The following GPC5 variants were observed in gnomAD, a reference collection of about 807,000 sequenced individuals.
The protein encoded by GPC5 is glypican 5.
In GPC5, 47 loss-of-function variants were observed where a neutral mutation model predicts 53.9. That is an observed-to-expected ratio of 0.87 (90% CI 0.69 to 1.11). The LOEUF (loss-of-function observed/expected upper bound fraction) is 1.11, where lower values mean the gene tolerates loss of function less well. Ranked by LOEUF, GPC5 falls within the 50% of genes most tolerant of loss-of-function variation. The probability of loss-of-function intolerance (pLI) is 0.00; values close to 1 mark genes in which losing one functional copy is unlikely to be tolerated. For synonymous variants in GPC5, 286 were observed against 263.3 expected (o/e 1.09, Z -0.84); for missense variants, 748 against 713.1 (o/e 1.05, Z -0.56).
chr13:92,757,615 G>A (rs969938934), intron 7 of GPC5, among the ~76,000 whole-genome samples: 1 of 151,984 alleles, frequency 6.6e-6, no homozygotes, highest in Non-Finnish European at 1.5e-5. Context: ...AATCTACAAT[G>A]AACTTAAACA....
chr13:92,137,044 C>G (rs2041789797), intron 6 of GPC5, among the ~76,000 whole-genome samples: 1 of 151,776 alleles, frequency 6.6e-6, no homozygotes, highest in Non-Finnish European at 1.5e-5. Flanking sequence ...GGAAAGGAAG[C>G]ACGTTCCGAA....
chr13:92,642,942 C>T (rs1185600331), intron 7 of GPC5, among the ~76,000 whole-genome samples: 1 of 152,156 alleles, frequency 6.6e-6, no homozygotes, highest in East Asian at 1.9e-4. Flanking sequence ...AGTGCTACAA[C>T]GGTCAGTTAT....
chr13:92,288,356 G>A (rs1048790379), intron 7 of GPC5, among the ~76,000 whole-genome samples: 3 of 152,142 alleles, frequency 2.0e-5, no homozygotes, highest in African/African-American at 7.2e-5. Context: ...TTTGGATTTT[G>A]TAATGTGGTA....
chr13:92,140,045 C>T (rs2041818833), intron 6 of GPC5, among the ~76,000 whole-genome samples: 1 of 151,778 alleles, frequency 6.6e-6, no homozygotes. Context: ...TGCAAGTAAA[C>T]GATGCAGAGT....
intron 7 of GPC5, among the ~76,000 whole-genome samples, chr13:92,167,238 C>T (rs1374829936): frequency 6.6e-6 from 1 of 152,072 alleles, no homozygotes; most frequent in East Asian, 1.9e-4. Flanking sequence ...ATCCTGTAGG[C>T]TATAGCAAGT....
chr13:91,615,426 A>C (rs146893546), intron 2 of GPC5, among the ~76,000 whole-genome samples: 1 of 152,288 alleles, frequency 6.6e-6, no homozygotes, highest in African/African-American at 2.4e-5. Context: ...GACAAGAAAA[A>C]AAATCACCTT....
intron 7 of GPC5, among the ~76,000 whole-genome samples, 167 bp downstream of exon 7, chr13:92,145,156 TTTTG>T (rs1283197074): frequency 7.2e-5 from 11 of 152,052 alleles, no homozygotes; most frequent in Non-Finnish European, 1.5e-5. Flanking sequence ...TTCTTGGTGG[TTTTG>T]TTTATTTTTA....
intron 5 of GPC5, among the ~76,000 whole-genome samples, chr13:91,884,404 G>A (rs897079084): frequency 3.3e-5 from 5 of 152,150 alleles, no homozygotes; most frequent in East Asian, 3.9e-4. Flanking sequence ...ATACACCATG[G>A]CATATTATGC....
intron 7 of GPC5, among the ~76,000 whole-genome samples, chr13:92,271,220 A>T (rs1319120022): frequency 6.6e-6 from 1 of 152,216 alleles, no homozygotes; most frequent in Non-Finnish European, 1.5e-5. Context: ...CATGCCATCT[A>T]CTATGCCTTG....
intron 4 of GPC5, among the ~76,000 whole-genome samples, chr13:91,747,407 G>A (rs1258628914): frequency 3.9e-5 from 6 of 152,182 alleles, no homozygotes. Context: ...CCTGCCTTCA[G>A]TAAGCTCAGG....
At chr13:92,585,509 C>T (rs1186628034) in intron 7 of GPC5, among the ~76,000 whole-genome samples, 1 of 152,168 alleles carries the variant, frequency 6.6e-6, no homozygotes, top group Admixed American at 6.5e-5. Flanking sequence ...TTTGATTTTA[C>T]AGGCTCATGG....
intron 2 of GPC5, among the ~76,000 whole-genome samples, chr13:91,653,736 C>T (rs1465367501): frequency 6.6e-6 from 1 of 152,072 alleles, no homozygotes; most frequent in Non-Finnish European, 1.5e-5. Context: ...GTTAAAACAT[C>T]ATAGGCAAGT....
chr13:92,622,382 TG>T (rs1884904315), intron 7 of GPC5, among the ~76,000 whole-genome samples: 3 of 152,190 alleles, frequency 2.0e-5, no homozygotes, highest in Non-Finnish European at 2.9e-5. Context: ...GCTCCATTTT[TG>T]TTTTCCCTCA....
intron 2 of GPC5, among the ~76,000 whole-genome samples, chr13:91,531,757 G>C (rs1301221053): frequency 6.6e-6 from 1 of 152,314 alleles, no homozygotes; most frequent in East Asian, 1.9e-4. Context: ...TGGTATGTGT[G>C]ATAAAGCTTT....
At chr13:91,676,492 G>A (rs1355320494) in intron 2 of GPC5, among the ~76,000 whole-genome samples, 1 of 152,152 alleles carries the variant, frequency 6.6e-6, no homozygotes, top group Non-Finnish European at 1.5e-5. Flanking sequence ...TTTAATACAG[G>A]TTGAAAGCTA....
intron 1 of GPC5, among the ~76,000 whole-genome samples, chr13:91,414,378 T>G (rs1310576680): frequency 6.6e-6 from 1 of 152,256 alleles, no homozygotes; most frequent in African/African-American, 2.4e-5. Context: ...CCTCTCCAGC[T>G]ATGCAGAACG....
At chr13:91,857,590 T>C (rs980486419) in intron 5 of GPC5, among the ~76,000 whole-genome samples, 5 of 151,228 alleles carry the variant, frequency 3.3e-5, no homozygotes, top group Non-Finnish European at 5.9e-5. Flanking sequence ...GTTTTTTTTT[T>C]CCAAATTTTG....
intron 7 of GPC5, among the ~76,000 whole-genome samples, chr13:92,213,881 T>C (rs547734062): frequency 2.2e-4 from 34 of 152,346 alleles, no homozygotes; most frequent in African/African-American, 7.2e-4. Context: ...AAGATTCTTA[T>C]ATAGGCAGAA....
chr13:91,906,137 C>G (rs2039550721), intron 5 of GPC5, among the ~76,000 whole-genome samples: 1 of 152,028 alleles, frequency 6.6e-6, no homozygotes, highest in African/African-American at 2.4e-5. Flanking sequence ...GACCTCCTAT[C>G]CATTGCTTTC....
Sources: gnomAD v4.1 joint callset for allele counts (sites outside exome capture counted in the v4.1 genomes callset) on GRCh38, gnomAD v4.1.1 for gene constraint, MANE v1.5 for transcripts, NCBI Gene and HGNC (gene_info 2026-07-23, HGNC 2026-07-21) for gene names.